DPYD: variants seen among roughly 807,000 people sequenced by gnomAD.
DPYD encodes the protein dihydropyrimidine dehydrogenase, also known as dihydropyrimidine dehydrogenase [NADP(+)].
Under a neutral mutation model 116.2 loss-of-function variants are expected in DPYD, and 109 were observed. The observed-to-expected ratio is 0.94, with a 90% CI of 0.80 to 1.10. The LOEUF (loss-of-function observed/expected upper bound fraction) is 1.10. Ranked by LOEUF, DPYD falls within the 50% of genes least tolerant of loss-of-function variation. The pLI, the probability that DPYD is intolerant of heterozygous loss-of-function variation, is 0.00. For missense variants in DPYD, 1,302 were observed against 1,254.5 expected, an observed-to-expected ratio of 1.04 and a Z score of -0.57; for synonymous variants, 440 against 432.0, an observed-to-expected ratio of 1.02 and a Z score of -0.23.
intron 13 of DPYD, among the ~76,000 whole-genome samples, chr1:97,462,963 GA>G (rs1352802718): frequency 6.6e-6 from 1 of 152,118 alleles, no homozygotes; most frequent in Non-Finnish European, 1.5e-5. Context: ...TCTTAACCCA[GA>G]AACTCCCTTC....
At chr1:97,764,193 A>G (rs530910371) in intron 3 of DPYD, among the ~76,000 whole-genome samples, 1 of 152,186 alleles carries the variant, frequency 6.6e-6, no homozygotes, top group East Asian at 1.9e-4. Context: ...GGAAGATTAC[A>G]TAAAGTAAAG....
chr1:97,310,796 C>T (rs942190480), intron 16 of DPYD, among the ~76,000 whole-genome samples: 1 of 151,702 alleles, frequency 6.6e-6, no homozygotes, highest in South Asian at 2.1e-4. Flanking sequence ...AAAACTTGCA[C>T]ATGAATACTC....
intron 8 of DPYD, among the ~76,000 whole-genome samples, chr1:97,631,743 C>T (rs1334373220): frequency 2.0e-5 from 3 of 151,806 alleles, no homozygotes; most frequent in African/African-American, 7.3e-5. Context: ...GGAATTTGAA[C>T]AAATGTCTGT....
chr1:97,504,823 G>A (rs1278260665), intron 13 of DPYD, among the ~76,000 whole-genome samples: 1 of 150,746 alleles, frequency 6.6e-6, no homozygotes, highest in Non-Finnish European at 1.5e-5. Flanking sequence ...TCAGTCAGCA[G>A]GTTCCCTTTG....
chr1:97,094,496 T>C (rs1360402497), intron 21 of DPYD, among the ~76,000 whole-genome samples: 2 of 152,104 alleles, frequency 1.3e-5, no homozygotes, highest in Admixed American at 6.6e-5. Context: ...GCTGACTAGC[T>C]TGTGAATAGG....
At chr1:97,412,671 G>T (rs1674076101) in intron 14 of DPYD, among the ~76,000 whole-genome samples, 1 of 152,162 alleles carries the variant, frequency 6.6e-6, no homozygotes, top group African/African-American at 2.4e-5. Context: ...ACAGTTTTGG[G>T]TCATTAAATG....
At chr1:97,659,472 T>A (rs1164942258) in intron 8 of DPYD, among the ~76,000 whole-genome samples, 1 of 152,176 alleles carries the variant, frequency 6.6e-6, no homozygotes. Context: ...TCTGTATTGC[T>A]CTGAACAGTT....
intron 21 of DPYD, among the ~76,000 whole-genome samples, chr1:97,085,619 C>T (rs1417775310): frequency 1.3e-5 from 2 of 152,026 alleles, no homozygotes; most frequent in South Asian, 2.1e-4. Context: ...AGAATGTGGA[C>T]ATTTGTTTTA....
intron 8 of DPYD, among the ~76,000 whole-genome samples, chr1:97,608,069 T>C (rs1331132398): frequency 1.3e-5 from 2 of 152,062 alleles, no homozygotes; most frequent in Non-Finnish European, 2.9e-5. Context: ...AATAGCCACA[T>C]GGGGAAGTAT....
chr1:97,177,027 T>C (rs1464691685), intron 20 of DPYD, among the ~76,000 whole-genome samples: 1 of 152,152 alleles, frequency 6.6e-6, no homozygotes, highest in Non-Finnish European at 1.5e-5. Context: ...CTAGACTTTG[T>C]TTCAGGTTAT....
At chr1:97,673,013 C>T (rs765431386) in intron 8 of DPYD, among the ~76,000 whole-genome samples, 9 of 152,076 alleles carry the variant, frequency 5.9e-5, no homozygotes, top group Admixed American at 5.2e-4. Context: ...TCAGCTTACC[C>T]TCTTCAAGAA....
intron 16 of DPYD, among the ~76,000 whole-genome samples, chr1:97,352,729 A>T (rs1670216111): frequency 6.6e-6 from 1 of 151,798 alleles, no homozygotes; most frequent in Non-Finnish European, 1.5e-5. Flanking sequence ...CAGCATTGGC[A>T]CTCCTCCGGA....
chr1:97,568,647 A>G (rs1157317001), intron 11 of DPYD, among the ~76,000 whole-genome samples: 1 of 152,130 alleles, frequency 6.6e-6, no homozygotes, highest in Non-Finnish European at 1.5e-5. Flanking sequence ...ATGCCACAAC[A>G]AAGGAAAAAT....
At chr1:97,754,177 G>GACCAC (rs200515941) in intron 3 of DPYD, among the ~76,000 whole-genome samples, 1,994 of 152,194 alleles carry the variant, frequency 0.013, 21 homozygotes, top group Middle Eastern at 0.024. Flanking sequence ...TCATAAGGTA[G>GACCAC]ACCACGTTTT....
chr1:97,223,634 T>C (rs1448886141), intron 19 of DPYD, among the ~76,000 whole-genome samples: 6 of 152,056 alleles, frequency 3.9e-5, no homozygotes, highest in Non-Finnish European at 2.9e-5. Flanking sequence ...AGGTGAACAT[T>C]TTATAATGAA....
At chr1:97,355,805 A>G (rs901179148) in intron 16 of DPYD, among the ~76,000 whole-genome samples, 2 of 151,990 alleles carry the variant, frequency 1.3e-5, no homozygotes, top group African/African-American at 4.8e-5. Context: ...TATATACCAT[A>G]TTTTCTTTAT....
At chr1:97,220,763 G>T (rs1660723030) in intron 19 of DPYD, among the ~76,000 whole-genome samples, 1 of 151,944 alleles carries the variant, frequency 6.6e-6, no homozygotes. Context: ...CTTTGCCATG[G>T]TTGTCTCCAC....
intron 2 of DPYD, among the ~76,000 whole-genome samples, chr1:97,842,788 A>G (rs1670100618): frequency 6.6e-6 from 1 of 152,094 alleles, no homozygotes; most frequent in Non-Finnish European, 1.5e-5. Context: ...TTATAAAGTT[A>G]TGAAGAGAAA....
chr1:97,306,745 T>C (rs1231656577), intron 16 of DPYD, among the ~76,000 whole-genome samples: 1 of 151,962 alleles, frequency 6.6e-6, no homozygotes. Flanking sequence ...GTTTTCATTA[T>C]TAGACTTAGT....
Sources: allele counts gnomAD v4.1 joint callset (sites outside exome capture counted in the v4.1 genomes callset), GRCh38; gene constraint gnomAD v4.1.1; transcripts MANE v1.5; gene names NCBI Gene and HGNC (gene_info 2026-07-23, HGNC 2026-07-21).